Variants in DUSP10 observed in about 807,000 individuals in gnomAD.
The protein encoded by DUSP10 is dual specificity phosphatase 10.
Under a neutral mutation model 30.8 loss-of-function variants are expected in DUSP10, and 14 were observed. The observed-to-expected ratio is 0.46, with a 90% CI of 0.30 to 0.71. DUSP10 has a LOEUF of 0.71. Ranked by LOEUF, DUSP10 falls within the 30% of genes least tolerant of loss-of-function variation. The pLI is 0.08. For synonymous variants in DUSP10, 254 were observed against 250.4 expected (o/e 1.01, Z -0.14); for missense variants, 550 against 619.4 (o/e 0.89, Z 1.19).
At position 221,739,683 on chromosome 1, in the gene DUSP10, T is replaced by C; in HGVS notation, c.62A>G (p.Gln21Arg). ...VVALSRPVRPQDLNLCLDSSY... is the reference protein window; with the variant it reads ...VVALSRPVRPRDLNLCLDSSY... ...AGAGTCTAAACAAAGGTTGAGATCC[T>C]GAGGTCGGACGGGCCTAGATAGTGC... is the stretch of plus-strand genomic sequence containing the variant. Residue 21 changes from glutamine to arginine, a missense_variant, in exon 2 of 4, where the codon CAG (glutamine) becomes CGG (arginine). Gln to Arg is a conservative substitution (Grantham distance 43). Transcript: ENST00000366899. The C allele has an allele frequency of 6.2e-7, 1 of 1,614,004 alleles. No individual in the cohort carries two copies. Among genetic ancestry groups the C allele is most frequent in the Non-Finnish European group, 8.5e-7 (1 of 1,179,950 alleles).
intron 2 of DUSP10, among the ~76,000 whole-genome samples, chr1:221,731,734 G>A (rs1302243551): frequency 2.0e-5 from 3 of 149,558 alleles, no homozygotes; most frequent in Admixed American, 6.7e-5. Context: ...TCAGCCTCCC[G>A]AGTAGCTGGG....
Position 221,701,478 on chromosome 1 carries a change from C to T in DUSP10, c.*934G>A, listed in dbSNP as rs1318290288. The T allele has an allele frequency of 8.7e-6, 1 of 115,224 alleles. No homozygotes were observed. The highest frequency in any genetic ancestry group is 1.8e-5 in the Non-Finnish European group (1 of 56,312). The allele number at this position is 115,224 out of a possible 1,614,324, so 7.1% of individuals were successfully genotyped here. ...TTTTACACAATCAACAGAAACACAC[C>T]AAGATTTTTTTTTTTTTTGCGAAAA... On this transcript the variant is annotated 3_prime_UTR_variant, in exon 4 of 4. Coordinates refer to ENST00000366899, the MANE Select transcript of DUSP10 (RefSeq NM_007207.6).
intron 2 of DUSP10, among the ~76,000 whole-genome samples, chr1:221,734,484 A>G (rs1294930998): frequency 6.6e-6 from 1 of 152,254 alleles, no homozygotes; most frequent in African/African-American, 2.4e-5. Flanking sequence ...CCTTTCAATC[A>G]ATATCAATAA....
At position 221,738,983 on chromosome 1, in the gene DUSP10, T is replaced by C. The variant is rs763525120; in HGVS notation, c.762A>G (p.Ile254Met). The C allele has an allele frequency of 6.2e-7, 1 of 1,614,118 alleles. No individual in the cohort carries two copies. Among genetic ancestry groups the C allele is most frequent in the Non-Finnish European group, 8.5e-7 (1 of 1,179,984 alleles). Reference protein sequence around the residue: ...SRVMPSQPLHIVLESLKREGK... With the variant: ...SRVMPSQPLHMVLESLKREGK... ...CTTCTCTCTTCAGGGACTCGAGGACTATGTGAAGTGGCTGGGAGGGCATCA... is the reference window on the plus strand; with the variant it reads ...CTTCTCTCTTCAGGGACTCGAGGACCATGTGAAGTGGCTGGGAGGGCATCA... The change falls in exon 2 of 4, where the codon ATA becomes ATG. Residue 254 changes from isoleucine to methionine, a missense_variant. Coordinates refer to ENST00000366899, the MANE Select transcript of DUSP10 (RefSeq NM_007207.6).
chr1:221,730,699 C>CA (rs1186618725), intron 2 of DUSP10, among the ~76,000 whole-genome samples: 1 of 152,138 alleles, frequency 6.6e-6, no homozygotes, highest in Non-Finnish European at 1.5e-5. Flanking sequence ...ACTAGGCCTG[C>CA]ACAGCTCATT....
At chr1:221,726,954 T>C (rs1471318448) in intron 2 of DUSP10, among the ~76,000 whole-genome samples, 1 of 152,190 alleles carries the variant, frequency 6.6e-6, no homozygotes, top group Admixed American at 6.5e-5. Flanking sequence ...AAATGTTAGC[T>C]AGTATGCATT....
chr1:221,723,731 A>G (rs879806178), intron 2 of DUSP10, among the ~76,000 whole-genome samples: 1 of 152,250 alleles, frequency 6.6e-6, no homozygotes, highest in Non-Finnish European at 1.5e-5. Flanking sequence ...GGTCCTGCAT[A>G]TGGAGCTTCT....
At chr1:221,726,599 A>G (rs1265785608) in intron 2 of DUSP10, among the ~76,000 whole-genome samples, 1 of 152,118 alleles carries the variant, frequency 6.6e-6, no homozygotes, top group Non-Finnish European at 1.5e-5. Flanking sequence ...AAATGTTCTT[A>G]ATATCTTAAC....
chr1:221,728,662 C>G (rs1661492589), intron 2 of DUSP10, among the ~76,000 whole-genome samples: 4 of 152,166 alleles, frequency 2.6e-5, no homozygotes, highest in Admixed American at 2.6e-4. Flanking sequence ...TGAGGGAAAA[C>G]AATCTATAGT....
At chr1:221,722,431 T>G (rs1661304299) in intron 2 of DUSP10, among the ~76,000 whole-genome samples, 1 of 152,186 alleles carries the variant, frequency 6.6e-6, no homozygotes, top group Admixed American at 6.5e-5. Flanking sequence ...GCCTCATAGT[T>G]ATCTGGTGTG....
intron 2 of DUSP10, among the ~76,000 whole-genome samples, chr1:221,728,244 TTC>T (rs1214321646): frequency 6.6e-6 from 1 of 152,220 alleles, no homozygotes; most frequent in Non-Finnish European, 1.5e-5. Context: ...ATCTCAGGTA[TTC>T]TGTTTTAGCA....
At chr1:221,713,499 A>C (rs1661007428) in intron 2 of DUSP10, among the ~76,000 whole-genome samples, 1 of 152,210 alleles carries the variant, frequency 6.6e-6, no homozygotes, top group Admixed American at 6.5e-5. Context: ...AATTTTTGAA[A>C]TGGACGTACA....
At chr1:221,708,686 T>G (rs11118831) in intron 2 of DUSP10, among the ~76,000 whole-genome samples, 35,855 of 152,104 alleles carry the variant, frequency 0.24, 4,544 homozygotes, top group African/African-American at 0.3. Flanking sequence ...GGAAAATAAC[T>G]TCACCAGTGA....
Position 221,702,274 on chromosome 1 carries a change from G to A in DUSP10, c.*138C>T. 1 of 958,154 alleles carries A rather than the reference G, an allele frequency of 1.0e-6. No individual in the cohort carries two copies. The highest frequency in any genetic ancestry group is 1.6e-6 in the Non-Finnish European group (1 of 643,470). 59.4% of individuals were successfully genotyped at this position (958,154 alleles called of 1,614,324 possible). A position where few individuals can be genotyped will look rare whatever the true frequency, so the allele number is the denominator to read the frequency against. On this transcript the variant is annotated 3_prime_UTR_variant, in exon 4 of 4. Coordinates refer to ENST00000366899, the MANE Select transcript of DUSP10 (RefSeq NM_007207.6). The surrounding 1 kb of genome is among the most constrained non-coding windows in gnomAD (Gnocchi z 4.5). Reference sequence around the variant, plus strand: ...TCTTCTTACACTTGTTAAAAATAAAGTGTTTAAACAAGTTTGTTTCCATTC... The same window carrying A: ...TCTTCTTACACTTGTTAAAAATAAAATGTTTAAACAAGTTTGTTTCCATTC...
rs532816787 is a variant in DUSP10, at chr1:221,727,437, T to C, written c.811+11497A>G. Among the ~76,000 whole-genome samples, 52 of 152,342 alleles carry C rather than the reference T, an allele frequency of 3.4e-4. 2 individuals carry two copies. In the South Asian group the frequency reaches 0.011, roughly 32 times the overall value. Reference sequence around the variant, plus strand: ...TGCCAGTACTGCTAATAGCTATTTATATCCTCCTGGATAAGTAATCAGTTT... The same window carrying C: ...TGCCAGTACTGCTAATAGCTATTTACATCCTCCTGGATAAGTAATCAGTTT... On this transcript the variant is annotated intron_variant, in intron 2 of 3. Coordinates refer to ENST00000366899, the MANE Select transcript of DUSP10 (RefSeq NM_007207.6).
intron 1 of DUSP10, among the ~76,000 whole-genome samples, chr1:221,740,851 T>C (rs553869993): frequency 1.3e-5 from 2 of 152,308 alleles, no homozygotes; most frequent in Admixed American, 1.3e-4. Flanking sequence ...AAAAGACAGC[T>C]CCTTCCTCCT....
At chr1:221,738,881 A>G in intron 2 of DUSP10, 53 bp downstream of exon 2, 1 of 1,534,304 alleles carries the variant, frequency 6.5e-7, no homozygotes. Context: ...GAGAAAACCC[A>G]AAGTGAACCC....
chr1:221,709,064 CA>C (rs1660857347), intron 2 of DUSP10, among the ~76,000 whole-genome samples: 2 of 151,764 alleles, frequency 1.3e-5, no homozygotes, highest in Non-Finnish European at 2.9e-5. Context: ...AAGCAGCGTC[CA>C]GCTTTTTAAA....
At position 221,714,514 on chromosome 1, in the gene DUSP10, A is replaced by C. The variant is rs140491918; in HGVS notation, c.812-8048T>G. Among the ~76,000 whole-genome samples, 470 of 152,104 alleles carry C rather than the reference A, an allele frequency of 3.1e-3. 3 individuals are homozygous for C. Among genetic ancestry groups the C allele is most frequent in the Non-Finnish European group, 5.1e-3 (350 of 67,992 alleles). On this transcript the variant is annotated intron_variant, in intron 2 of 3. Coordinates refer to ENST00000366899, the MANE Select transcript of DUSP10 (RefSeq NM_007207.6). The stretch of plus-strand genomic sequence containing the variant: ...AGACAAGATGGCGCCAGGCAAGGGG[A>C]GAGTTCATTTGCATAATAAGATTAG...
Sources: gnomAD v4.1 joint callset for allele counts (sites outside exome capture counted in the v4.1 genomes callset) on GRCh38, gnomAD v4.1.1 for gene constraint, Gnocchi (gnomAD v3.1) non-coding constraint, MANE v1.5 for transcripts, NCBI Gene and HGNC (gene_info 2026-07-23, HGNC 2026-07-21) for gene names.